The following CDK17 variants were observed in gnomAD, a reference collection of about 807,000 sequenced individuals.
The protein encoded by CDK17 is cyclin-dependent kinase 17.
A neutral mutation model predicts 77.6 loss-of-function variants in CDK17; 24 were observed. The observed-to-expected ratio is 0.31, with a 90% CI of 0.22 to 0.44. The LOEUF (loss-of-function observed/expected upper bound fraction) is 0.44. Among genes scored for constraint, CDK17 ranks in the 20% least tolerant of loss-of-function variants. CDK17 has a pLI of 1.00. For synonymous variants in CDK17, 203 were observed against 210.4 expected (o/e 0.96, Z 0.30); for missense variants, 429 against 622.5 (o/e 0.69, Z 3.31).
At chr12:96,353,660 T>C (rs377285330) in intron 1 of CDK17, among the ~76,000 whole-genome samples, 3 of 151,814 alleles carry the variant, frequency 2.0e-5, no homozygotes, top group African/African-American at 7.3e-5. Context: ...AGTTTTGACC[T>C]TGTGGGCTTT....
chr12:96,317,832 C>T (rs1392873923), intron 3 of CDK17, among the ~76,000 whole-genome samples: 119 of 150,172 alleles, frequency 7.9e-4, no homozygotes, highest in African/African-American at 1.9e-3. Context: ...TGGTACCAGC[C>T]GCTGCAAAAT....
intron 1 of CDK17, among the ~76,000 whole-genome samples, chr12:96,373,903 G>C (rs1489514686): frequency 6.6e-6 from 1 of 151,972 alleles, no homozygotes; most frequent in Non-Finnish European, 1.5e-5. Context: ...CTGGGCGACA[G>C]AGCGAAGACC....
chr12:96,316,804 T>C (rs1592723593), intron 3 of CDK17, among the ~76,000 whole-genome samples: 1 of 136,696 alleles, frequency 7.3e-6, no homozygotes, highest in East Asian at 2.4e-4. Context: ...AAAACCCATC[T>C]GTACATCACC....
intron 3 of CDK17, among the ~76,000 whole-genome samples, chr12:96,318,272 A>C (rs1259664950): frequency 6.6e-6 from 1 of 152,102 alleles, no homozygotes; most frequent in East Asian, 1.9e-4. Flanking sequence ...ATATGCACCC[A>C]ATACAGGAGC....
intron 1 of CDK17, among the ~76,000 whole-genome samples, chr12:96,363,211 G>A (rs1953524538): frequency 6.6e-6 from 1 of 152,108 alleles, no homozygotes; most frequent in African/African-American, 2.4e-5. Flanking sequence ...AGCACTTTGG[G>A]AGGCCGAGAC....
chr12:96,354,787 G>C (rs759845946), intron 1 of CDK17, among the ~76,000 whole-genome samples: 3 of 152,118 alleles, frequency 2.0e-5, no homozygotes, highest in Non-Finnish European at 4.4e-5. Flanking sequence ...AGGAGGCTGA[G>C]ACAGGAGGAT....
chr12:96,393,792 T>C lies in CDK17; in HGVS notation c.-30+6194A>G, dbSNP rs149157164. 4.4e-3 allele frequency among the ~76,000 whole-genome samples: 668 copies of C among 152,214 alleles called. 5 individuals carry two copies. The highest frequency in any genetic ancestry group is 0.024 in the Middle Eastern group (7 of 294). ...GAAAAGCTTCTTTTTCCACCAGAAA[T>C]AACATTACAAGTCAATAATATAAAA... On this transcript the variant is annotated intron_variant, in intron 1 of 16. Transcript: ENST00000261211.
intron 8 of CDK17, 116 bp from the exon 9 acceptor site, chr12:96,297,448 C>A: frequency 1.3e-6 from 1 of 749,060 alleles, no homozygotes. Flanking sequence ...CTGGATGCAC[C>A]ATACACATAA....
intron 1 of CDK17, among the ~76,000 whole-genome samples, chr12:96,377,941 C>T (rs1349717688): frequency 1.3e-5 from 2 of 152,182 alleles, no homozygotes; most frequent in Non-Finnish European, 2.9e-5. Flanking sequence ...GATCCGCCCA[C>T]CTTGGCCTCC....
intron 3 of CDK17, among the ~76,000 whole-genome samples, chr12:96,313,741 T>C (rs1952673004): frequency 6.6e-6 from 1 of 152,222 alleles, no homozygotes; most frequent in Admixed American, 6.5e-5. Context: ...TCTCTGAGAA[T>C]GAGCCAGTTC....
At chr12:96,297,948 G>C (rs1402143221) in intron 7 of CDK17, among the ~76,000 whole-genome samples, 3 of 148,496 alleles carry the variant, frequency 2.0e-5, no homozygotes, top group African/African-American at 7.5e-5. Context: ...AAAAAAAAAA[G>C]ATTCTCTTAA....
At chr12:96,285,930 G>GT in intron 13 of CDK17, 113 bp downstream of exon 13, 2 of 546,948 alleles carry the variant, frequency 3.7e-6, no homozygotes, top group Non-Finnish European at 6.7e-6. Context: ...CCTAAAATAC[G>GT]TAAGGGTTAT....
chr12:96,279,069 A>G lies in CDK17; in HGVS notation c.*1173T>C, dbSNP rs1300955166. 1 of 152,612 alleles carries G rather than the reference A, an allele frequency of 6.6e-6. No homozygotes were observed. The highest frequency in any genetic ancestry group is 1.5e-5 in the Non-Finnish European group (1 of 67,994). 9.5% of individuals were successfully genotyped at this position (152,612 alleles called of 1,614,324 possible). On this transcript the variant is annotated 3_prime_UTR_variant, in exon 17 of 17. Transcript: ENST00000261211. The stretch of plus-strand genomic sequence containing the variant: ...AGATTTATAGTTTGTAAGATGCACT[A>G]AACAAATAGTCCTTAAAAGTGAACA...
chr12:96,302,902 G>A (rs974392462), intron 5 of CDK17: 2 of 152,140 alleles, frequency 1.3e-5, no homozygotes, highest in African/African-American at 2.4e-5. Context: ...CAGGCAGGCA[G>A]GCAGGCAGAG....
intron 2 of CDK17, among the ~76,000 whole-genome samples, chr12:96,332,935 T>C (rs1952992083): frequency 6.6e-6 from 1 of 152,216 alleles, no homozygotes; most frequent in Admixed American, 6.5e-5. Context: ...TCTAAAATAT[T>C]AGCTAAAACA....
rs1410287091 is a variant in CDK17 at position 96,278,440 on chromosome 12, A to G, written c.*1802T>C. Reference sequence around the variant, plus strand: ...TGATTGGCACAAACAGAAAACAATAACACCTCTAGCACAGTGAGACTTCAT... The same window carrying G: ...TGATTGGCACAAACAGAAAACAATAGCACCTCTAGCACAGTGAGACTTCAT... On this transcript the variant is annotated 3_prime_UTR_variant, in exon 17 of 17. Transcript: ENST00000261211. The G allele has an allele frequency of 6.6e-6, 1 of 152,262 alleles. No individual in the cohort carries two copies. The highest frequency in any genetic ancestry group is 2.4e-5 in the African/African-American group (1 of 41,446). The allele number at this position is 152,262 out of a possible 1,614,324, so 9.4% of individuals were successfully genotyped here. A position where few individuals can be genotyped will look rare whatever the true frequency, so the allele number is the denominator to read the frequency against.
chr12:96,300,461 A>G (rs866905961), intron 5 of CDK17, 101 bp from the exon 6 acceptor site: 9 of 679,940 alleles, frequency 1.3e-5, no homozygotes, highest in Middle Eastern at 8.6e-4. Flanking sequence ...CAGCGGCACA[A>G]TCTTGGCTTA....
chr12:96,346,564 C>T (rs1953214102), intron 1 of CDK17, among the ~76,000 whole-genome samples: 1 of 151,618 alleles, frequency 6.6e-6, no homozygotes, highest in African/African-American at 2.4e-5. Context: ...AGAAGCGCAG[C>T]TTGCAGTGAG....
chr12:96,390,329 T>C (rs1474884440), intron 1 of CDK17, among the ~76,000 whole-genome samples: 8 of 150,056 alleles, frequency 5.3e-5, no homozygotes, highest in Admixed American at 3.3e-4. Flanking sequence ...ACGGGTTTCA[T>C]CATGTTGACC....
Sources: gnomAD v4.1 joint callset for allele counts (sites outside exome capture counted in the v4.1 genomes callset) on GRCh38, gnomAD v4.1.1 for gene constraint, MANE v1.5 for transcripts, NCBI Gene and HGNC (gene_info 2026-07-23, HGNC 2026-07-21) for gene names.